Variants in UNC5D observed in about 807,000 individuals in gnomAD.
The protein encoded by UNC5D is unc-5 netrin receptor D, also known as netrin receptor UNC5D.
UNC5D carries 39 observed loss-of-function variants against 105.4 expected under a neutral mutation model. That is an observed-to-expected ratio of 0.37 (90% confidence interval 0.29 to 0.48). The LOEUF (loss-of-function observed/expected upper bound fraction) is 0.48. Among genes scored for constraint, UNC5D ranks in the 20% least tolerant of loss-of-function variants. The pLI, the probability that UNC5D is intolerant of heterozygous loss-of-function variation, is 0.98. For missense variants in UNC5D, 991 were observed against 1,202.4 expected (o/e 0.82, Z 2.60); for synonymous variants, 452 against 450.4 (o/e 1.00, Z -0.04).
intron 4 of UNC5D, among the ~76,000 whole-genome samples, chr8:35,614,647 A>C (rs1443116854): frequency 6.6e-6 from 1 of 152,136 alleles, no homozygotes; most frequent in Non-Finnish European, 1.5e-5. Context: ...TCCATAAAAA[A>C]ATTTGCTATG....
In UNC5D at chr8:35,296,488, C is replaced by T. The variant is rs192283493; in HGVS notation, c.103+60601C>T. On this transcript the variant is annotated intron_variant, in intron 1 of 16. Coordinates refer to ENST00000404895, the MANE Select transcript of UNC5D (RefSeq NM_080872.4). ...AGGCTGGAGTGCAGTGGCACAATCT[C>T]GGCTCACTGCAACCTCTGCCTCCCA... Among the ~76,000 whole-genome samples the T allele has an allele frequency of 1.8e-3, 276 of 152,202 alleles. 7 individuals carry two copies. The East Asian group carries it at 0.039, about 21-fold the overall frequency.
intron 4 of UNC5D, among the ~76,000 whole-genome samples, chr8:35,619,626 A>C (rs1231819070): frequency 6.6e-6 from 1 of 152,236 alleles, no homozygotes; most frequent in East Asian, 1.9e-4. Context: ...TCCAGTTGCA[A>C]CTGGGCAGCT....
At chr8:35,395,444 A>G (rs1437037661) in intron 1 of UNC5D, among the ~76,000 whole-genome samples, 1 of 152,248 alleles carries the variant, frequency 6.6e-6, no homozygotes, top group Non-Finnish European at 1.5e-5. Flanking sequence ...AGAAAAGAAA[A>G]CAGGAGATAG....
chr8:35,789,429 A>G (rs1184293634), intron 16 of UNC5D, among the ~76,000 whole-genome samples: 1 of 151,670 alleles, frequency 6.6e-6, no homozygotes, highest in Non-Finnish European at 1.5e-5. Context: ...GAAGCTGATG[A>G]GTACGTTAAA....
chr8:35,362,741 A>G lies in UNC5D; in HGVS notation c.103+126854A>G, dbSNP rs537132273. ...TATAATACTCTTTTCTAATTCAGAG[A>G]TTAGTATGCCTTTTCAGTAAAGGGC... On this transcript the variant is annotated intron_variant, in intron 1 of 16. Coordinates refer to ENST00000404895, the MANE Select transcript of UNC5D (RefSeq NM_080872.4). 3.3e-5 allele frequency among the ~76,000 whole-genome samples: 5 copies of G among 152,294 alleles called. No individual in the cohort carries two copies. In the East Asian group the frequency reaches 9.6e-4, roughly 29 times the overall value.
intron 1 of UNC5D, among the ~76,000 whole-genome samples, chr8:35,343,764 C>T (rs1811619372): frequency 6.6e-6 from 1 of 152,098 alleles, no homozygotes; most frequent in Admixed American, 6.6e-5. Context: ...TCTATGTTAG[C>T]CATCATTTGG....
At chr8:35,240,984 T>C (rs1269763632) in intron 1 of UNC5D, among the ~76,000 whole-genome samples, 2 of 152,226 alleles carry the variant, frequency 1.3e-5, no homozygotes, top group Non-Finnish European at 2.9e-5. Flanking sequence ...ATGACTCTGA[T>C]TGAATACGCC....
intron 1 of UNC5D, among the ~76,000 whole-genome samples, chr8:35,499,364 A>G (rs549212596): frequency 3.1e-4 from 47 of 152,306 alleles, no homozygotes; most frequent in East Asian, 5.8e-4. Flanking sequence ...CCTTGCTATC[A>G]TTTAGTTCTC....
chr8:35,470,801 A>AATAT (rs1809660216), intron 1 of UNC5D, among the ~76,000 whole-genome samples: 3 of 34,918 alleles, frequency 8.6e-5, no homozygotes, highest in African/African-American at 1.6e-4. Context: ...TAAATAAATA[A>AATAT]ATAAATAAAT....
Position 35,660,247 on chromosome 8 carries a change from A to G in UNC5D, c.571-23300A>G, listed in dbSNP as rs558190526. Among the ~76,000 whole-genome samples the G allele has an allele frequency of 1.3e-4, 20 of 152,320 alleles. No homozygotes were observed. The East Asian group carries it at 2.9e-3, about 22-fold the overall frequency. ...AAAAGGTGAAACATGAATCTAGAAG[A>G]AAAGGTTTTATCTATTACGGTTTTG... On this transcript the variant is annotated intron_variant, in intron 4 of 16. Coordinates refer to ENST00000404895, the MANE Select transcript of UNC5D (RefSeq NM_080872.4).
chr8:35,604,181 C>G (rs977321644), intron 4 of UNC5D, among the ~76,000 whole-genome samples: 1 of 152,068 alleles, frequency 6.6e-6, no homozygotes, highest in African/African-American at 2.4e-5. Flanking sequence ...GTGGCTGGTA[C>G]CGGTTGTTCC....
At chr8:35,360,637 C>T (rs1801805259) in intron 1 of UNC5D, among the ~76,000 whole-genome samples, 1 of 152,184 alleles carries the variant, frequency 6.6e-6, no homozygotes, top group African/African-American at 2.4e-5. Flanking sequence ...ATTTCAACTA[C>T]AGCTGTGTTG....
chr8:35,279,548 T>G (rs976170598), intron 1 of UNC5D, among the ~76,000 whole-genome samples: 3 of 152,212 alleles, frequency 2.0e-5, no homozygotes, highest in African/African-American at 7.2e-5. Context: ...CCATGGTGAT[T>G]AATGAACACA....
At chr8:35,626,890 AC>A (rs1389937274) in intron 4 of UNC5D, among the ~76,000 whole-genome samples, 2 of 151,942 alleles carry the variant, frequency 1.3e-5, no homozygotes, top group African/African-American at 4.8e-5. Flanking sequence ...ATATTCACTT[AC>A]TAAAAATCTG....
At chr8:35,276,725 C>T (rs1254099875) in intron 1 of UNC5D, among the ~76,000 whole-genome samples, 1 of 152,126 alleles carries the variant, frequency 6.6e-6, no homozygotes, top group Non-Finnish European at 1.5e-5. Context: ...TCCATAGCAA[C>T]TGTTTCAGTA....
intron 1 of UNC5D, among the ~76,000 whole-genome samples, chr8:35,457,406 G>T (rs1313902004): frequency 6.6e-6 from 1 of 151,962 alleles, no homozygotes; most frequent in Non-Finnish European, 1.5e-5. Flanking sequence ...CAATGACCAG[G>T]GTCTAACTGT....
chr8:35,564,918 T>C (rs1300536681), intron 2 of UNC5D, among the ~76,000 whole-genome samples: 1 of 152,196 alleles, frequency 6.6e-6, no homozygotes, highest in South Asian at 2.1e-4. Context: ...TACTGCAAAA[T>C]ACATGATTTC....
intron 1 of UNC5D, among the ~76,000 whole-genome samples, chr8:35,388,033 G>A (rs1284727748): frequency 6.6e-6 from 1 of 152,048 alleles, no homozygotes; most frequent in Non-Finnish European, 1.5e-5. Flanking sequence ...AAATAGTACT[G>A]GGGAGGAATT....
chr8:35,629,334 G>C (rs1348371331), intron 4 of UNC5D, among the ~76,000 whole-genome samples: 1 of 152,024 alleles, frequency 6.6e-6, no homozygotes, highest in Non-Finnish European at 1.5e-5. Flanking sequence ...TTGGCTGTTT[G>C]TATTTCTTCT....
Sources: allele counts gnomAD v4.1 joint callset (sites outside exome capture counted in the v4.1 genomes callset), GRCh38; gene constraint gnomAD v4.1.1; transcripts MANE v1.5; gene names NCBI Gene and HGNC (gene_info 2026-07-23, HGNC 2026-07-21).